Variants in RABGAP1 observed in about 807,000 individuals in gnomAD.
RABGAP1 encodes rab GTPase-activating protein 1.
In RABGAP1, 23 loss-of-function variants were observed where a neutral mutation model predicts 137.6. The ratio of observed to expected loss-of-function variants is 0.17; its 90% confidence interval spans 0.12 to 0.24. The LOEUF (loss-of-function observed/expected upper bound fraction) is 0.24. Ranked by LOEUF, RABGAP1 falls within the 10% of genes least tolerant of loss-of-function variation. RABGAP1 has a pLI of 1.00. For missense variants in RABGAP1, 906 were observed against 1,275.8 expected (o/e 0.71, Z 4.42); for synonymous variants, 451 against 450.7 (o/e 1.00, Z -0.01).
chr9:122,958,390 C>G (rs1287587211), intron 2 of RABGAP1, among the ~76,000 whole-genome samples: 1 of 152,076 alleles, frequency 6.6e-6, no homozygotes, highest in Non-Finnish European at 1.5e-5. Context: ...ATAAATATAT[C>G]AAGTAAATTT....
chr9:122,962,460 C>G (rs1834901948), intron 2 of RABGAP1, among the ~76,000 whole-genome samples: 1 of 151,714 alleles, frequency 6.6e-6, no homozygotes, highest in Non-Finnish European at 1.5e-5. Flanking sequence ...GGTTGATGGT[C>G]TGGTGAGCCA....
intron 13 of RABGAP1, among the ~76,000 whole-genome samples, chr9:123,031,592 A>T (rs2032301944): frequency 6.6e-6 from 1 of 151,802 alleles, no homozygotes; most frequent in Admixed American, 6.6e-5. Context: ...AATTGAAAGG[A>T]GGAAATGCAT....
intron 19 of RABGAP1, among the ~76,000 whole-genome samples, chr9:123,087,109 T>C (rs2034890361): frequency 6.6e-6 from 1 of 152,222 alleles, no homozygotes; most frequent in African/African-American, 2.4e-5. Context: ...CAGGTACTTA[T>C]CACACACCAA....
intron 1 of RABGAP1, among the ~76,000 whole-genome samples, chr9:122,950,471 G>T (rs1466852953): frequency 6.6e-6 from 1 of 150,874 alleles, no homozygotes. Flanking sequence ...GACGCGTGGG[G>T]ATTAAATGGT....
chr9:122,935,803 C>T, the RABGAP1 span, among the ~76,000 whole-genome samples: 10 of 152,274 alleles, frequency 6.6e-5, no homozygotes, highest in Non-Finnish European at 1.3e-4. Context: ...AGTGTACTTG[C>T]ACTTCAAAAT....
In RABGAP1 at chr9:123,097,827, GGAA is replaced by G. The variant is rs1242927220; in HGVS notation, c.2721_2723del (p.Glu908del). The G allele has an allele frequency of 1.2e-6, 2 of 1,613,262 alleles. No individual in the cohort carries two copies. Among genetic ancestry groups the G allele is most frequent in the Non-Finnish European group, 1.7e-6 (2 of 1,179,718 alleles). ...ATGCAGAAGAAGAGAAAAGACGGCT[GGAA>G]GAAGAGTCTGCTCAGGTAAGGGAAC... On this transcript the variant is annotated inframe_deletion, in exon 22 of 26. Transcript: ENST00000373647.
At chr9:122,932,011 C>T in the RABGAP1 span, among the ~76,000 whole-genome samples, 1 of 152,180 alleles carries the variant, frequency 6.6e-6, no homozygotes, top group Non-Finnish European at 1.5e-5. Context: ...TCTTGCACTC[C>T]CATGGCTTCC....
rs1387372675 is a variant in RABGAP1 at position 122,990,217 on chromosome 9, G to A, written c.923+4G>A. ...ATGATGGTAAAGGTTATTTTAGGTA[G>A]GGAATCTTATTTTATTCATGTATTA... On this transcript the variant is annotated splice_donor_region_variant and intron_variant, in intron 6 of 25. Coordinates refer to ENST00000373647, the MANE Select transcript of RABGAP1 (RefSeq NM_012197.4). 6.3e-7 allele frequency: 1 copy of A among 1,590,940 alleles called. No homozygotes were observed. The highest frequency in any genetic ancestry group is 8.6e-7 in the Non-Finnish European group (1 of 1,162,480).
In RABGAP1 at chr9:123,084,388, A is replaced by C. The variant is rs2034805177; in HGVS notation, c.2425-5370A>C. On this transcript the variant is annotated intron_variant, in intron 19 of 25. Coordinates refer to ENST00000373647, the MANE Select transcript of RABGAP1 (RefSeq NM_012197.4). ...AGACTTTGGAGTCAGGATCTCCTTAATGTACCAGACTCTTTCTTACCCCCC... is the reference window on the plus strand; with the variant it reads ...AGACTTTGGAGTCAGGATCTCCTTACTGTACCAGACTCTTTCTTACCCCCC... Among the ~76,000 whole-genome samples, 3 of 152,280 alleles carry C rather than the reference A, an allele frequency of 2.0e-5. No individual in the cohort carries two copies. In the East Asian group the frequency reaches 5.8e-4, roughly 29 times the overall value.
chr9:122,979,274 C>CT (rs1454435777), intron 2 of RABGAP1, among the ~76,000 whole-genome samples: 1 of 152,102 alleles, frequency 6.6e-6, no homozygotes, highest in Non-Finnish European at 1.5e-5. Flanking sequence ...TGTTGAGTTT[C>CT]TTTTTATGTG....
rs964560353 is a variant in RABGAP1 at position 123,103,900 on chromosome 9, G to A, written c.*687G>A. 3 of 151,304 alleles carry A rather than the reference G, an allele frequency of 2.0e-5. No homozygotes were observed. Among genetic ancestry groups the A allele is most frequent in the African/African-American group, 7.3e-5 (3 of 40,978 alleles). 9.4% of individuals were successfully genotyped at this position (151,304 alleles called of 1,614,324 possible). ...CTGCCAAATGACTTCAAAAGGCTGG[G>A]GTGGGTGACTTGACTGTGAGACTGG... On this transcript the variant is annotated 3_prime_UTR_variant, in exon 26 of 26. Coordinates refer to ENST00000373647, the MANE Select transcript of RABGAP1 (RefSeq NM_012197.4).
In RABGAP1 at chr9:122,996,561, C is replaced by A; in HGVS notation, c.1057C>A (p.Pro353Thr). The change falls in exon 8 of 26, where the codon CCA becomes ACA. Residue 353 changes from proline to threonine, a missense_variant. Around this residue, in one of 9 missense-constraint regions of RABGAP1, gnomAD observed 212 missense variants for 289.4 expected, o/e 0.73. Transcript: ENST00000373647. ...IERCFGLLLS[P>T]GKDVRNSDMH... Reference sequence around the variant, plus strand: ...TAGGTGTTTTGGTCTTCTCCTTAGTCCAGGAAAAGATGTACGAAATAGTGA... The same window carrying A: ...TAGGTGTTTTGGTCTTCTCCTTAGTACAGGAAAAGATGTACGAAATAGTGA... The A allele has an allele frequency of 6.2e-7, 1 of 1,608,916 alleles. No homozygotes were observed. The highest frequency in any genetic ancestry group is 1.1e-5 in the South Asian group (1 of 89,898).
Position 123,103,972 on chromosome 9 carries a change from T to TGTGA in RABGAP1, c.*762_*763insAGTG, listed in dbSNP as rs2035422716. 1 of 55,658 alleles carries TGTGA rather than the reference T, an allele frequency of 1.8e-5. No homozygotes were observed. Among genetic ancestry groups the TGTGA allele is most frequent in the Non-Finnish European group, 6.2e-5 (1 of 16,008 alleles). The allele number at this position is 55,658 out of a possible 1,614,324, so 3.4% of individuals were successfully genotyped here. A position where few individuals can be genotyped will look rare whatever the true frequency, so the allele number is the denominator to read the frequency against. ...ATTTTGCTTAATGTGTTTGTGTGTG[T>TGTGA]GTGTGTGTGTGTGTGTGTGTGTGTA... On this transcript the variant is annotated 3_prime_UTR_variant, in exon 26 of 26. Transcript: ENST00000373647.
rs964529307 is a variant in RABGAP1, at chr9:122,984,374, A to G, written c.151-111A>G. 8 of 880,820 alleles carry G rather than the reference A, an allele frequency of 9.1e-6. No individual in the cohort carries two copies. In the African/African-American group the frequency reaches 1.2e-4, roughly 13 times the overall value. The allele number at this position is 880,820 out of a possible 1,614,324, so 54.6% of individuals were successfully genotyped here. A position where few individuals can be genotyped will look rare whatever the true frequency, so the allele number is the denominator to read the frequency against. On this transcript the variant is annotated intron_variant, in intron 2 of 25. Coordinates refer to ENST00000373647, the MANE Select transcript of RABGAP1 (RefSeq NM_012197.4). ...TTTTTAAAAAAAACATTCAGAAGAT[A>G]TCTTTGTATCAAAAGAAATGCTAAT...
intron 13 of RABGAP1, among the ~76,000 whole-genome samples, chr9:123,040,188 T>C (rs149414582): frequency 5.3e-5 from 8 of 152,326 alleles, no homozygotes; most frequent in African/African-American, 1.9e-4. Flanking sequence ...CTCACTGTTC[T>C]CTACTTTATC....
intron 4 of RABGAP1, among the ~76,000 whole-genome samples, chr9:122,987,822 T>C (rs1014989859): frequency 3.3e-5 from 5 of 152,218 alleles, no homozygotes; most frequent in African/African-American, 7.2e-5. Context: ...AGTAAACTTA[T>C]TGAGTTTGTC....
intron 18 of RABGAP1, 123 bp downstream of exon 18, chr9:123,076,409 G>GC: frequency 6.5e-6 from 8 of 1,228,754 alleles, no homozygotes; most frequent in Non-Finnish European, 8.0e-6. Context: ...GTGGATGTAT[G>GC]CAGGTGGCTC....
chr9:123,005,817 G>A (rs557666793), intron 10 of RABGAP1, among the ~76,000 whole-genome samples: 1 of 152,322 alleles, frequency 6.6e-6, no homozygotes, highest in South Asian at 2.1e-4. Flanking sequence ...ACGTACATAT[G>A]CTATTGTTAT....
At chr9:123,063,265 A>AT (rs1449962457) in intron 13 of RABGAP1, 1 of 152,818 alleles carries the variant, frequency 6.5e-6, no homozygotes. Context: ...CATTCTTAGC[A>AT]TTTTTTAGAG....
Sources: allele counts gnomAD v4.1 joint callset (sites outside exome capture counted in the v4.1 genomes callset), GRCh38; gene constraint gnomAD v4.1.1; regional missense constraint gnomAD v4.1.1; transcripts MANE v1.5; gene names NCBI Gene and HGNC (gene_info 2026-07-23, HGNC 2026-07-21).